The following BRWD1 variants were observed in gnomAD, a reference collection of about 807,000 sequenced individuals.
BRWD1 encodes bromodomain and WD repeat-containing protein 1.
A neutral mutation model predicts 251.2 loss-of-function variants in BRWD1; 82 were observed. The ratio of observed to expected loss-of-function variants is 0.33; its 90% CI spans 0.27 to 0.39. The LOEUF (loss-of-function observed/expected upper bound fraction) is 0.39, where lower values mean the gene tolerates loss of function less well. Ranked by LOEUF, BRWD1 falls within the 10% of genes least tolerant of loss-of-function variation. The pLI, the probability that BRWD1 is intolerant of heterozygous loss-of-function variation, is 1.00. For missense variants in BRWD1, 2,233 were observed against 2,711.6 expected, an observed-to-expected ratio of 0.82 and a Z score of 3.92; for synonymous variants, 918 against 902.8, an observed-to-expected ratio of 1.02 and a Z score of -0.30.
At position 39,278,803 on chromosome 21, in the gene BRWD1, G is replaced by C. The variant is rs146464458; in HGVS notation, c.943C>G (p.Leu315Val). The change falls in exon 10 of 41, where the codon CTG becomes GTG. Residue 315 changes from leucine to valine, a missense_variant. Physicochemically the swap from Leu to Val is conservative, Grantham distance 32. Transcript: ENST00000342449. ...LESLKFSPRP[L>V]KFTEKPRPGV... ...GGCCTAGGCTTTTCAGTGAACTTCA[G>C]GGGACGTGGGCTTTAAAAGAAGAAG... 6.9e-6 allele frequency: 11 copies of C among 1,592,698 alleles called. No homozygotes were observed. The highest frequency in any genetic ancestry group is 5.4e-5 in the African/African-American group (4 of 73,664).
intron 9 of BRWD1, 66 bp downstream of exon 9, chr21:39,280,082 A>C: frequency 8.5e-7 from 1 of 1,180,314 alleles, no homozygotes; most frequent in South Asian, 1.5e-5. Flanking sequence ...ATAAAACTTC[A>C]TTTCATTAGA....
chr21:39,246,367 A>G (rs1277597298), intron 21 of BRWD1, among the ~76,000 whole-genome samples: 1 of 152,228 alleles, frequency 6.6e-6, no homozygotes. Context: ...AATAACAATC[A>G]TTGGTGAGGA....
intron 26 of BRWD1, 137 bp downstream of exon 26, chr21:39,229,175 G>T: frequency 1.4e-6 from 1 of 733,024 alleles, no homozygotes; most frequent in African/African-American, 1.8e-5. Flanking sequence ...GCCATCAGAA[G>T]CTCGAGCCAC....
intron 34 of BRWD1, 35 bp downstream of exon 34, chr21:39,212,629 AAG>A: frequency 6.8e-7 from 1 of 1,479,184 alleles, no homozygotes; most frequent in East Asian, 2.3e-5. Context: ...AACAAAGAAA[AAG>A]AAACTACAAA....
At chr21:39,291,871 T>C (rs2035817963) in intron 8 of BRWD1, among the ~76,000 whole-genome samples, 2 of 152,224 alleles carry the variant, frequency 1.3e-5, no homozygotes, top group Admixed American at 6.5e-5. Flanking sequence ...GGCAAGGCAT[T>C]CCCCTGGGGA....
Position 39,250,831 on chromosome 21 carries a change from C to T in BRWD1, c.2314G>A (p.Gly772Arg). 6.3e-7 allele frequency: 1 copy of T among 1,599,312 alleles called. No individual in the cohort carries two copies. Among genetic ancestry groups the T allele is most frequent in the South Asian group, 1.1e-5 (1 of 87,736 alleles). Residue 772 changes from glycine (G) to arginine (R), a missense_variant, in exon 20 of 41, where the codon GGA becomes AGA. By Grantham distance (125) the Gly-to-Arg change is moderately radical (BLOSUM62 -2). Transcript: ENST00000342449. Reference sequence around the variant, plus strand: ...AGCTGAAGAGTCTTTCTTTTTCTTCCTATTATATAAAGATTTCTTTCCTCT... The same window carrying T: ...AGCTGAAGAGTCTTTCTTTTTCTTCTTATTATATAAAGATTTCTTTCCTCT... ...GEEERNLYII[G>R]RKRKTLQLSH...
intron 11 of BRWD1, 31 bp from the exon 12 acceptor site, chr21:39,276,244 T>C: frequency 6.4e-7 from 1 of 1,566,672 alleles, no homozygotes; most frequent in Non-Finnish European, 8.7e-7. Flanking sequence ...AATACAAAAA[T>C]GATCATCTAC....
At chr21:39,249,915 G>T (rs11702659) in intron 20 of BRWD1, among the ~76,000 whole-genome samples, 7,164 of 68,448 alleles carry the variant, frequency 0.1, 162 homozygotes, top group African/African-American at 0.13. Context: ...AAAGAAGGGG[G>T]GTGTGTGTGT....
intron 27 of BRWD1, among the ~76,000 whole-genome samples, chr21:39,227,135 A>G (rs1011553737): frequency 1.3e-5 from 2 of 152,214 alleles, no homozygotes; most frequent in Non-Finnish European, 2.9e-5. Context: ...CAGCCCGGGC[A>G]ACAGAGCAAG....
At chr21:39,301,978 G>GTTT (rs750413248) in intron 4 of BRWD1, among the ~76,000 whole-genome samples, 3,149 of 79,740 alleles carry the variant, frequency 0.039, 304 homozygotes, top group Non-Finnish European at 0.046. Context: ...AGCTTTGTGT[G>GTTT]TTTTTTTTTT....
rs2031552199 is a variant in BRWD1, at chr21:39,191,485, T to C, written c.*4774A>G. The C allele has an allele frequency of 1.0e-6, 1 of 979,032 alleles. No homozygotes were observed. Among genetic ancestry groups the C allele is most frequent in the Non-Finnish European group, 1.2e-6 (1 of 824,302 alleles). The allele number at this position is 979,032 out of a possible 1,614,324, so 60.6% of individuals were successfully genotyped here. On this transcript the variant is annotated 3_prime_UTR_variant, in exon 41 of 41. Transcript: ENST00000342449. ...CATTTAAGAACTGACAAAAATCATC[T>C]AAATGAATAGATTAATTTAGAACAT...
intron 15 of BRWD1, among the ~76,000 whole-genome samples, chr21:39,267,996 G>A (rs952759320): frequency 1.3e-5 from 2 of 152,246 alleles, no homozygotes; most frequent in East Asian, 1.9e-4. Flanking sequence ...GCACACAGCA[G>A]GTAGCCCCTG....
intron 23 of BRWD1, chr21:39,235,967 A>G: frequency 4.7e-6 from 1 of 212,686 alleles, no homozygotes; most frequent in Non-Finnish European, 1.0e-5. Context: ...CAAGAGGCTT[A>G]TGGAATTTCT....
chr21:39,269,928 CT>C lies in BRWD1; in HGVS notation c.1500del (p.Gly501ValfsTer4). The C allele has an allele frequency of 6.4e-7, 1 of 1,553,344 alleles. No individual in the cohort carries two copies. Among genetic ancestry groups the C allele is most frequent in the Non-Finnish European group, 8.7e-7 (1 of 1,148,880 alleles). On this transcript the variant is annotated frameshift_variant, in exon 15 of 41. Coordinates refer to ENST00000342449, the MANE Select transcript of BRWD1 (RefSeq NM_033656.4). LOFTEE classifies it high-confidence loss of function. ...TTAAAATAATGTTTCATCTTGGTAC[CT>C]TTTGTAATATCCCATATAAATATGC... Reference protein sequence around the residue: ...DGSIFIWDITKGTKMKHYFNM... With the variant: ...DGSIFIWDITXGTKMKHYFNM...
intron 4 of BRWD1, among the ~76,000 whole-genome samples, chr21:39,301,978 G>GTGTT (rs1555877803): frequency 1.8e-4 from 14 of 79,864 alleles, no homozygotes; most frequent in African/African-American, 2.1e-4. Context: ...AGCTTTGTGT[G>GTGTT]TTTTTTTTTT....
chr21:39,301,978 G>GTTTTTTTTTTTTT (rs750413248), intron 4 of BRWD1, among the ~76,000 whole-genome samples: 1 of 79,866 alleles, frequency 1.3e-5, no homozygotes, highest in Non-Finnish European at 2.2e-5. Flanking sequence ...AGCTTTGTGT[G>GTTTTTTTTTTTTT]TTTTTTTTTT....
rs535089635 is a variant in BRWD1, at chr21:39,292,390, G to A, written c.831+1421C>T. ...ACATTTTCTGTCCCTAATAACTAACGGATGTAAGGCAATGATCATCAGTGA... is the reference window on the plus strand; with the variant it reads ...ACATTTTCTGTCCCTAATAACTAACAGATGTAAGGCAATGATCATCAGTGA... On this transcript the variant is annotated intron_variant, in intron 8 of 40. Coordinates refer to ENST00000342449, the MANE Select transcript of BRWD1 (RefSeq NM_033656.4). Among the ~76,000 whole-genome samples, 6 of 152,164 alleles carry A rather than the reference G, an allele frequency of 3.9e-5. No individual in the cohort carries two copies. The East Asian group carries it at 5.8e-4, about 15-fold the overall frequency.
At chr21:39,197,533 G>T in intron 40 of BRWD1, 118 bp from the exon 41 acceptor site, 1 of 772,428 alleles carries the variant, frequency 1.3e-6, no homozygotes, top group Non-Finnish European at 2.1e-6. Context: ...GCAGTGAATG[G>T]AATGGTACAC....
Position 39,213,087 on chromosome 21 carries a change from C to T in BRWD1, c.3859-380G>A, listed in dbSNP as rs188467893. On this transcript the variant is annotated intron_variant, in intron 33 of 40. Transcript: ENST00000342449. ...TATAGTACAGGCATGCACTACCACC[C>T]CCATCTAACTTTTTTATTTATTGTA... Among the ~76,000 whole-genome samples, 11 of 152,198 alleles carry T rather than the reference C, an allele frequency of 7.2e-5. No homozygotes were observed. The East Asian group carries it at 2.1e-3, about 29-fold the overall frequency.
Sources: gnomAD v4.1 joint callset for allele counts (sites outside exome capture counted in the v4.1 genomes callset) on GRCh38, gnomAD v4.1.1 for gene constraint, MANE v1.5 for transcripts, NCBI Gene and HGNC (gene_info 2026-07-23, HGNC 2026-07-21) for gene names.